PRKG1: variants seen among roughly 807,000 people sequenced by gnomAD.
PRKG1 encodes the protein protein kinase cGMP-dependent 1, also known as cGMP-dependent protein kinase 1.
PRKG1 carries 35 observed loss-of-function variants against 88.1 expected under a neutral mutation model. The ratio of observed to expected loss-of-function variants is 0.40; its 90% CI spans 0.30 to 0.53. The LOEUF is 0.53. Ranked by LOEUF, PRKG1 falls within the 20% of genes least tolerant of loss-of-function variation. PRKG1 has a pLI of 0.59. For synonymous variants in PRKG1, 303 were observed against 292.5 expected, an observed-to-expected ratio of 1.04 and a Z score of -0.37; for missense variants, 540 against 839.8, an observed-to-expected ratio of 0.64 and a Z score of 4.41.
intron 3 of PRKG1, among the ~76,000 whole-genome samples, chr10:51,633,553 A>C (rs185513713): frequency 3.9e-4 from 60 of 152,292 alleles, no homozygotes; most frequent in African/African-American, 1.4e-3. Flanking sequence ...CTGAAGTATA[A>C]AAAAGTGAAG....
intron 5 of PRKG1, among the ~76,000 whole-genome samples, chr10:52,007,921 A>T (rs1232608799): frequency 6.6e-6 from 1 of 152,138 alleles, no homozygotes; most frequent in African/African-American, 2.4e-5. Flanking sequence ...AAATCACACC[A>T]AACACAGTCT....
intron 2 of PRKG1, among the ~76,000 whole-genome samples, chr10:51,169,467 A>T (rs1846638147): frequency 6.6e-6 from 1 of 152,106 alleles, no homozygotes; most frequent in African/African-American, 2.4e-5. Context: ...GATAAGTTAA[A>T]TTTTTTAAAA....
At chr10:51,311,715 G>T (rs1446469359) in intron 2 of PRKG1, among the ~76,000 whole-genome samples, 1 of 152,202 alleles carries the variant, frequency 6.6e-6, no homozygotes, top group African/African-American at 2.4e-5. Flanking sequence ...CACCATCTGT[G>T]TTGGCTTGTT....
chr10:51,205,709 T>C (rs931123999), intron 2 of PRKG1, among the ~76,000 whole-genome samples: 8 of 149,716 alleles, frequency 5.3e-5, no homozygotes, highest in Admixed American at 2.0e-4. Context: ...AATTTTTGTA[T>C]TTTTAGTAGA....
chr10:51,296,564 C>T (rs150611552), intron 2 of PRKG1, among the ~76,000 whole-genome samples: 1 of 152,070 alleles, frequency 6.6e-6, no homozygotes, highest in African/African-American at 2.4e-5. Flanking sequence ...TTTGAGTCTT[C>T]TCCATTTTTT....
In PRKG1 at chr10:52,224,838, T is replaced by TATATATATATATATATATATATATAC. The variant is rs1172536011; in HGVS notation, c.1077-26731_1077-26730insTATATATATATATATATATATATACA. ...ATATATATATATATATATATATATA[T>TATATATATATATATATATATATATAC]ACATACATACATACATATCTCACAG... On this transcript the variant is annotated intron_variant, in intron 9 of 17. Coordinates refer to ENST00000373980, the MANE Select transcript of PRKG1 (RefSeq NM_006258.4). Among the ~76,000 whole-genome samples the TATATATATATATATATATATATATAC allele has an allele frequency of 2.6e-4, 35 of 135,850 alleles. 2 individuals carry two copies. The highest frequency in any genetic ancestry group is 8.4e-4 in the African/African-American group (29 of 34,546). The allele number at this position is 135,850 out of a possible 152,430, so 89.1% of individuals were successfully genotyped here.
intron 3 of PRKG1, among the ~76,000 whole-genome samples, chr10:51,649,176 AG>A: frequency 6.6e-6 from 1 of 152,292 alleles, no homozygotes; most frequent in South Asian, 2.1e-4. Flanking sequence ...TTTGGTAGAT[AG>A]TCATAGAAAA....
intron 4 of PRKG1, among the ~76,000 whole-genome samples, chr10:51,836,071 A>G (rs768812111): frequency 1.3e-5 from 2 of 152,188 alleles, no homozygotes; most frequent in African/African-American, 2.4e-5. Context: ...AATAGCAAAA[A>G]CAATCCTTAT....
intron 7 of PRKG1, among the ~76,000 whole-genome samples, chr10:52,130,495 GTATT>G (rs1449003635): frequency 6.6e-6 from 1 of 152,072 alleles, no homozygotes; most frequent in African/African-American, 2.4e-5. Context: ...GCACTATTTT[GTATT>G]TATTATATTT....
intron 1 of PRKG1, among the ~76,000 whole-genome samples, chr10:51,101,139 C>T (rs991687758): frequency 7.2e-5 from 11 of 152,120 alleles, no homozygotes. Flanking sequence ...CCTCGAACCT[C>T]TCCTATGACT....
At chr10:51,142,528 G>T (rs1259416268) in intron 1 of PRKG1, among the ~76,000 whole-genome samples, 2 of 150,208 alleles carry the variant, frequency 1.3e-5, no homozygotes, top group Admixed American at 6.6e-5. Flanking sequence ...CACAGACATA[G>T]AGAGAGAGAG....
chr10:51,269,711 G>T (rs952992329), intron 2 of PRKG1, among the ~76,000 whole-genome samples: 1 of 152,110 alleles, frequency 6.6e-6, no homozygotes, highest in Non-Finnish European at 1.5e-5. Flanking sequence ...TAGGGACTCA[G>T]GCGGAAGTGT....
intron 9 of PRKG1, among the ~76,000 whole-genome samples, chr10:52,189,564 C>T (rs949838840): frequency 1.3e-5 from 2 of 152,144 alleles, no homozygotes; most frequent in Admixed American, 1.3e-4. Flanking sequence ...CTAGCTTGGG[C>T]ACTCCTTATG....
chr10:51,796,338 T>C (rs1839010081), intron 3 of PRKG1, among the ~76,000 whole-genome samples: 1 of 152,108 alleles, frequency 6.6e-6, no homozygotes, highest in Admixed American at 6.6e-5. Context: ...AGTAAACTTT[T>C]ATTTTACCCA....
chr10:51,635,133 G>T (rs1053197789), intron 3 of PRKG1, among the ~76,000 whole-genome samples: 2 of 152,066 alleles, frequency 1.3e-5, no homozygotes, highest in East Asian at 3.9e-4. Flanking sequence ...TGACTGGCAT[G>T]CAGAACATAA....
At chr10:51,474,176 G>A (rs1840129815) in intron 3 of PRKG1, among the ~76,000 whole-genome samples, 1 of 151,940 alleles carries the variant, frequency 6.6e-6, no homozygotes, top group Non-Finnish European at 1.5e-5. Context: ...AAGCAACTAA[G>A]ACCTAAAGCA....
At chr10:51,829,992 C>T (rs190065561) in intron 4 of PRKG1, among the ~76,000 whole-genome samples, 5 of 152,244 alleles carry the variant, frequency 3.3e-5, no homozygotes, top group Admixed American at 2.0e-4. Context: ...AACCAGCTTT[C>T]TCCAGGTCTA....
intron 3 of PRKG1, among the ~76,000 whole-genome samples, chr10:51,525,688 ACT>A (rs1841864584): frequency 6.6e-6 from 1 of 151,978 alleles, no homozygotes; most frequent in Non-Finnish European, 1.5e-5. Flanking sequence ...ACAGAGTGAG[ACT>A]CTGTCTCAAA....
At chr10:51,753,255 TATC>T (rs1425827076) in intron 3 of PRKG1, among the ~76,000 whole-genome samples, 4 of 152,264 alleles carry the variant, frequency 2.6e-5, no homozygotes, top group African/African-American at 9.6e-5. Flanking sequence ...AAAATCTACA[TATC>T]ATGAAATTTT....
Sources: gnomAD v4.1 joint callset for allele counts (sites outside exome capture counted in the v4.1 genomes callset) on GRCh38, gnomAD v4.1.1 for gene constraint, MANE v1.5 for transcripts, NCBI Gene and HGNC (gene_info 2026-07-23, HGNC 2026-07-21) for gene names.